Variants in GEMIN5 observed in about 807,000 individuals in gnomAD.
GEMIN5 encodes the protein gem nuclear organelle associated protein 5, also known as gem-associated protein 5.
A neutral mutation model predicts 176.9 loss-of-function variants in GEMIN5; 124 were observed. The observed-to-expected ratio is 0.70, with a 90% CI of 0.61 to 0.81. The LOEUF (loss-of-function observed/expected upper bound fraction) is 0.81, where lower values mean the gene tolerates loss of function less well. Ranked by LOEUF, GEMIN5 falls within the 40% of genes least tolerant of loss-of-function variation. The probability of loss-of-function intolerance (pLI) is 0.00; values close to 1 mark genes in which losing one functional copy is unlikely to be tolerated. For missense variants in GEMIN5, 1,843 were observed against 1,814.6 expected (o/e 1.02, Z -0.28); for synonymous variants, 673 against 665.2 (o/e 1.01, Z -0.18).
At position 154,902,481 on chromosome 5, in the gene GEMIN5, A is replaced by G. The variant is rs567100187; in HGVS notation, c.2866+58T>C. 7.1e-6 allele frequency: 11 copies of G among 1,540,974 alleles called. No homozygotes were observed. In the East Asian group the frequency reaches 2.5e-4, roughly 35 times the overall value. ...CTGTGCTAAGAGCCATCTTTAGTGG[A>G]CGTATCCTAGAGATGATAGAGCTTT... On this transcript the variant is annotated intron_variant, in intron 20 of 27. Coordinates refer to ENST00000285873, the MANE Select transcript of GEMIN5 (RefSeq NM_015465.5).
intron 26 of GEMIN5, among the ~76,000 whole-genome samples, chr5:154,889,933 G>A (rs1763189609): frequency 6.6e-6 from 1 of 152,234 alleles, no homozygotes; most frequent in African/African-American, 2.4e-5. Context: ...ATGAACACAG[G>A]TGTGCACATA....
rs1763272655 is a variant in GEMIN5, at chr5:154,893,113, C to G, written c.3598-564G>C. 3.3e-5 allele frequency among the ~76,000 whole-genome samples: 5 copies of G among 151,054 alleles called. No individual in the cohort carries two copies. In the South Asian group the frequency reaches 1.0e-3, roughly 32 times the overall value. ...CTCCCTCTCAAAACAAACAAACAAA[C>G]AACAAAAACAAAAAGTGAGTTTCTG... is the stretch of plus-strand genomic sequence containing the variant. On this transcript the variant is annotated intron_variant, in intron 24 of 27. Transcript: ENST00000285873.
chr5:154,928,973 C>T (rs1764103215), intron 5 of GEMIN5, among the ~76,000 whole-genome samples: 1 of 151,876 alleles, frequency 6.6e-6, no homozygotes, highest in Non-Finnish European at 1.5e-5. Flanking sequence ...CCTGTAATCC[C>T]AGCACTTTGA....
intron 9 of GEMIN5, among the ~76,000 whole-genome samples, chr5:154,923,352 C>A (rs572877790): frequency 7.2e-5 from 11 of 152,084 alleles, no homozygotes; most frequent in Admixed American, 1.3e-4. Flanking sequence ...TGCACTCCAG[C>A]CTGGGCAAGA....
intron 5 of GEMIN5, among the ~76,000 whole-genome samples, chr5:154,929,085 G>A (rs188732558): frequency 1.3e-3 from 193 of 152,200 alleles, no homozygotes; most frequent in Middle Eastern, 3.4e-3. Context: ...TTAGCCGGGC[G>A]TGGTGGCAGG....
At chr5:154,933,919 G>C (rs1009530847) in intron 3 of GEMIN5, among the ~76,000 whole-genome samples, 1 of 151,976 alleles carries the variant, frequency 6.6e-6, no homozygotes, top group Admixed American at 6.6e-5. Flanking sequence ...AGAGACTGCC[G>C]ATCCAGTCCC....
intron 22 of GEMIN5, 109 bp from the exon 23 acceptor site, chr5:154,898,759 G>A (rs1763408078): frequency 1.1e-6 from 1 of 882,778 alleles, no homozygotes; most frequent in African/African-American, 1.7e-5. Context: ...GTGCCTTCCT[G>A]TGGTCCCAGG....
chr5:154,922,357 T>C (rs12186480), intron 9 of GEMIN5, among the ~76,000 whole-genome samples: 15,463 of 152,076 alleles, frequency 0.1, 893 homozygotes, highest in Admixed American at 0.15. Context: ...TTAGTAGAGA[T>C]GGGGTTTCAC....
In GEMIN5 at chr5:154,896,045, T is replaced by A. The variant is rs1467537272; in HGVS notation, c.3597+47A>T. ...TTACAATAGACATGGATTAAGGAAGTCTTACCACTGAGTGATTAATGTCAA... is the reference window on the plus strand; with the variant it reads ...TTACAATAGACATGGATTAAGGAAGACTTACCACTGAGTGATTAATGTCAA... On this transcript the variant is annotated intron_variant, in intron 24 of 27. Transcript: ENST00000285873. The A allele has an allele frequency of 6.9e-6, 11 of 1,601,706 alleles. No homozygotes were observed. In the East Asian group the frequency reaches 2.5e-4, roughly 36 times the overall value.
At chr5:154,902,699 T>C (rs773416109) in intron 19 of GEMIN5, 23 bp from the exon 20 acceptor site, 68 of 1,610,436 alleles carry the variant, frequency 4.2e-5, no homozygotes, top group Non-Finnish European at 5.5e-5. Flanking sequence ...GAGATAATGT[T>C]TGGAAGGTGT....
intron 2 of GEMIN5, 83 bp from the exon 3 acceptor site, chr5:154,936,105 C>T (rs1247179767): frequency 1.2e-6 from 1 of 837,290 alleles, no homozygotes; most frequent in Non-Finnish European, 1.9e-6. Flanking sequence ...CAGCATAATG[C>T]TACATATACA....
In GEMIN5 at chr5:154,916,478, A is replaced by G. The variant is rs1763812047; in HGVS notation, c.1855+520T>C. 3.3e-5 allele frequency among the ~76,000 whole-genome samples: 5 copies of G among 152,054 alleles called. No individual in the cohort carries two copies. In the South Asian group the frequency reaches 8.3e-4, roughly 25 times the overall value. ...TTATTGAATGATGAAATTTTAGGGG[A>G]AAACTTCATTTTTTTTTCTTTCTTT... On this transcript the variant is annotated intron_variant, in intron 13 of 27. Coordinates refer to ENST00000285873, the MANE Select transcript of GEMIN5 (RefSeq NM_015465.5).
chr5:154,927,372 T>C lies in GEMIN5; in HGVS notation c.1080+13A>G. The C allele has an allele frequency of 1.3e-6, 2 of 1,544,674 alleles. No individual in the cohort carries two copies. Among genetic ancestry groups the C allele is most frequent in the Non-Finnish European group, 1.8e-6 (2 of 1,118,802 alleles). ...GCTGCTCTACAATGCTGAGTGAAAA[T>C]AAGCATTCTTACATCTCTATCCATT... On this transcript the variant is annotated intron_variant, in intron 7 of 27. Coordinates refer to ENST00000285873, the MANE Select transcript of GEMIN5 (RefSeq NM_015465.5).
chr5:154,928,685 G>A (rs768401243), intron 5 of GEMIN5, 26 bp from the exon 6 acceptor site: 15 of 1,611,996 alleles, frequency 9.3e-6, no homozygotes, highest in African/African-American at 6.7e-5. Context: ...AAGGCCAGTG[G>A]GCACTCAAGA....
chr5:154,916,971 C>T (rs375145650), intron 13 of GEMIN5, 27 bp downstream of exon 13: 1 of 1,336,472 alleles, frequency 7.5e-7, no homozygotes, highest in South Asian at 1.6e-5. Flanking sequence ...ACGATATCAT[C>T]CCCAGTATGA....
At chr5:154,889,678 AGC>A (rs1561706360) in intron 26 of GEMIN5, among the ~76,000 whole-genome samples, 1 of 152,190 alleles carries the variant, frequency 6.6e-6, no homozygotes, top group Admixed American at 6.5e-5. Flanking sequence ...TGCTTCCCTT[AGC>A]CCCTGTCAAC....
At chr5:154,937,261 G>A (rs1412087833) in intron 1 of GEMIN5, 76 bp from the exon 2 acceptor site, 16 of 1,227,424 alleles carry the variant, frequency 1.3e-5, no homozygotes, top group African/African-American at 3.0e-5. Context: ...GTTGTTGGAT[G>A]ACAAGTGAGC....
At chr5:154,935,720 G>A in intron 3 of GEMIN5, 121 bp downstream of exon 3, 1 of 664,494 alleles carries the variant, frequency 1.5e-6, no homozygotes, top group Non-Finnish European at 2.6e-6. Flanking sequence ...GGGCTCAGGG[G>A]GAGTGGTTAA....
chr5:154,929,597 C>G (rs985104245), intron 5 of GEMIN5, among the ~76,000 whole-genome samples: 2 of 152,212 alleles, frequency 1.3e-5, no homozygotes, highest in African/African-American at 4.8e-5. Flanking sequence ...CAAAGACTCT[C>G]CAGCTGATTC....
Sources: gnomAD v4.1 joint callset for allele counts (sites outside exome capture counted in the v4.1 genomes callset) on GRCh38, gnomAD v4.1.1 for gene constraint, MANE v1.5 for transcripts, NCBI Gene and HGNC (gene_info 2026-07-23, HGNC 2026-07-21) for gene names.